Variants in FHIP2A observed in about 807,000 individuals in gnomAD.
FHIP2A encodes the protein FHF complex subunit HOOK interacting protein 2A.
Under a neutral mutation model 93.5 loss-of-function variants are expected in FHIP2A, and 46 were observed. The observed-to-expected ratio is 0.49, with a 90% CI of 0.39 to 0.63. The LOEUF is 0.63. Ranked by LOEUF, FHIP2A falls within the 20% of genes least tolerant of loss-of-function variation. The probability of loss-of-function intolerance (pLI) is 0.00; values close to 1 mark genes in which losing one functional copy is unlikely to be tolerated. For missense variants in FHIP2A, 769 were observed against 909.7 expected, an observed-to-expected ratio of 0.85 and a Z score of 1.99; for synonymous variants, 332 against 326.5, an observed-to-expected ratio of 1.02 and a Z score of -0.18.
At chr10:114,848,913 C>T (rs559510969) in intron 13 of FHIP2A, among the ~76,000 whole-genome samples, 176 bp downstream of exon 13, 13 of 151,946 alleles carry the variant, frequency 8.6e-5, no homozygotes, top group Middle Eastern at 3.4e-3. Flanking sequence ...GAGGCCGAAG[C>T]GGATGGATCA....
chr10:114,859,914 A>G (rs1165439476), intron 14 of FHIP2A, among the ~76,000 whole-genome samples: 1 of 152,190 alleles, frequency 6.6e-6, no homozygotes, highest in Admixed American at 6.5e-5. Context: ...TCTATCCCCA[A>G]GTACTTTCAT....
In FHIP2A at chr10:114,863,794, C is replaced by T. The variant is rs1215072246; in HGVS notation, c.*2254C>T. On this transcript the variant is annotated 3_prime_UTR_variant, in exon 17 of 17. Coordinates refer to ENST00000369248, the MANE Select transcript of FHIP2A (RefSeq NM_020940.4). ...TTGCAAAAACAGTAACTAAAATGCA[C>T]TATGCTGAGTGGAAAGCACCGTCAT... 8.3e-7 allele frequency: 1 copy of T among 1,211,128 alleles called. No individual in the cohort carries two copies. Among genetic ancestry groups the T allele is most frequent in the African/African-American group, 1.6e-5 (1 of 62,206 alleles). 75.0% of individuals were successfully genotyped at this position (1,211,128 alleles called of 1,614,324 possible).
chr10:114,867,138 G>A (rs548242375), downstream of FHIP2A, among the ~76,000 whole-genome samples: 22 of 151,856 alleles, frequency 1.4e-4, no homozygotes, highest in Non-Finnish European at 1.8e-4. Context: ...GAACTGGGGA[G>A]GCGGAGGTTT....
intron 1 of FHIP2A, among the ~76,000 whole-genome samples, chr10:114,830,574 A>T (rs776010396): frequency 6.6e-6 from 1 of 152,084 alleles, no homozygotes; most frequent in Non-Finnish European, 1.5e-5. Flanking sequence ...CCCCAGCCTG[A>T]AACCTACTTT....
chr10:114,875,207 G>A (rs1415041743), intron 16 of FHIP2A, among the ~76,000 whole-genome samples: 3 of 152,052 alleles, frequency 2.0e-5, no homozygotes, highest in Admixed American at 6.5e-5. Flanking sequence ...GCTGTGCTGC[G>A]GAAGGACTGC....
At chr10:114,835,170 G>T (rs1171906447) in intron 3 of FHIP2A, among the ~76,000 whole-genome samples, 1 of 152,136 alleles carries the variant, frequency 6.6e-6, no homozygotes, top group Non-Finnish European at 1.5e-5. Context: ...TTTTGCCTTT[G>T]TTCCAGCGGG....
chr10:114,826,474 G>T (rs563583901), intron 1 of FHIP2A, among the ~76,000 whole-genome samples: 4 of 152,334 alleles, frequency 2.6e-5, no homozygotes, highest in African/African-American at 9.6e-5. Context: ...TACATGAAGT[G>T]CTTAGTGCAG....
At chr10:114,838,404 G>A (rs1002105588) in intron 5 of FHIP2A, among the ~76,000 whole-genome samples, 1 of 152,092 alleles carries the variant, frequency 6.6e-6, no homozygotes, top group African/African-American at 2.4e-5. Context: ...TGTTCGTGAT[G>A]TGCGTTATAT....
chr10:114,893,686 T>C (rs1244469031), intron 16 of FHIP2A, among the ~76,000 whole-genome samples: 3 of 151,336 alleles, frequency 2.0e-5, no homozygotes, highest in Non-Finnish European at 4.4e-5. Flanking sequence ...TGTGGTATTC[T>C]GTGTGTGTGT....
intron 16 of FHIP2A, among the ~76,000 whole-genome samples, chr10:114,891,417 G>A (rs2083973335): frequency 6.6e-6 from 1 of 151,616 alleles, no homozygotes; most frequent in Non-Finnish European, 1.5e-5. Context: ...ATTATATACA[G>A]TATATAAAAC....
At chr10:114,889,750 G>A (rs2083961188) in intron 16 of FHIP2A, among the ~76,000 whole-genome samples, 1 of 152,212 alleles carries the variant, frequency 6.6e-6, no homozygotes. Flanking sequence ...ACATTCCAGT[G>A]CCCTGGCTGA....
At chr10:114,852,364 A>T (rs2083742290) in intron 13 of FHIP2A, among the ~76,000 whole-genome samples, 1 of 152,182 alleles carries the variant, frequency 6.6e-6, no homozygotes, top group Non-Finnish European at 1.5e-5. Context: ...CTCAGACTTT[A>T]TCTTTCCAAA....
Position 114,833,352 on chromosome 10 carries a change from T to A in FHIP2A, c.244T>A (p.Leu82Met). Residue 82 changes from leucine to methionine, a missense_variant, in exon 3 of 17, where the codon TTG becomes ATG. Transcript: ENST00000369248. Reference protein sequence around the residue: ...SGETGPCMEYLLHHKILETLY... With the variant: ...SGETGPCMEYMLHHKILETLY... Reference sequence around the variant, plus strand: ...AGAGACAGGGCCATGTATGGAATATTTGCTTCATCACAAGATCTTGGAAAC... The same window carrying A: ...AGAGACAGGGCCATGTATGGAATATATGCTTCATCACAAGATCTTGGAAAC... 1 of 1,614,104 alleles carries A rather than the reference T, an allele frequency of 6.2e-7. No individual in the cohort carries two copies. Among genetic ancestry groups the A allele is most frequent in the South Asian group, 1.1e-5 (1 of 91,074 alleles).
At chr10:114,843,312 A>ATTT in intron 6 of FHIP2A, 86 bp downstream of exon 6, 4 of 814,256 alleles carry the variant, frequency 4.9e-6, no homozygotes, top group Non-Finnish European at 6.5e-6. Flanking sequence ...TTTTTAATTT[A>ATTT]TTTTTTTTTT....
intron 3 of FHIP2A, among the ~76,000 whole-genome samples, chr10:114,833,753 A>G (rs2083621734): frequency 6.6e-6 from 1 of 152,194 alleles, no homozygotes; most frequent in Non-Finnish European, 1.5e-5. Flanking sequence ...CCTGGAAGAG[A>G]ATGTCACTGA....
At chr10:114,857,887 T>C (rs532763558) in intron 14 of FHIP2A, among the ~76,000 whole-genome samples, 1 of 152,314 alleles carries the variant, frequency 6.6e-6, no homozygotes, top group South Asian at 2.1e-4. Flanking sequence ...AGTAAAATAC[T>C]AAAGCCCATA....
At chr10:114,829,677 C>T (rs1425947939) in intron 1 of FHIP2A, among the ~76,000 whole-genome samples, 2 of 152,162 alleles carry the variant, frequency 1.3e-5, no homozygotes, top group Admixed American at 6.5e-5. Flanking sequence ...GGGAATGCAG[C>T]CCAGCAGGTC....
In FHIP2A at chr10:114,862,875, C is replaced by T. The variant is rs570420571; in HGVS notation, c.*1335C>T. The stretch of plus-strand genomic sequence containing the variant: ...ATCAAAGGTTCCGGCTTGAAGGGAA[C>T]TGTCACTACCCCCTCTAGGAAGTTA... On this transcript the variant is annotated 3_prime_UTR_variant, in exon 17 of 17. Coordinates refer to ENST00000369248, the MANE Select transcript of FHIP2A (RefSeq NM_020940.4). 5 of 985,410 alleles carry T rather than the reference C, an allele frequency of 5.1e-6. No homozygotes were observed. In the African/African-American group the frequency reaches 8.7e-5, roughly 17 times the overall value. 61.0% of individuals were successfully genotyped at this position (985,410 alleles called of 1,614,324 possible). A position where few individuals can be genotyped will look rare whatever the true frequency, so the allele number is the denominator to read the frequency against.
intron 16 of FHIP2A, among the ~76,000 whole-genome samples, chr10:114,873,457 A>T (rs908722285): frequency 1.3e-5 from 2 of 152,174 alleles, no homozygotes; most frequent in African/African-American, 4.8e-5. Flanking sequence ...TTTCCCTCCC[A>T]TTTCCATACT....
Sources: gnomAD v4.1 joint callset for allele counts (sites outside exome capture counted in the v4.1 genomes callset) on GRCh38, gnomAD v4.1.1 for gene constraint, MANE v1.5 for transcripts, NCBI Gene and HGNC (gene_info 2026-07-23, HGNC 2026-07-21) for gene names.